The following HPCAL1 variants were observed in gnomAD, a reference collection of about 807,000 sequenced individuals.
HPCAL1 encodes the protein hippocalcin like 1.
In HPCAL1, 8 loss-of-function variants were observed where a neutral mutation model predicts 17.1. The ratio of observed to expected loss-of-function variants is 0.47; its 90% CI spans 0.27 to 0.84. The LOEUF is 0.84. Ranked by LOEUF, HPCAL1 falls within the 40% of genes least tolerant of loss-of-function variation. The pLI is 0.13. For missense variants in HPCAL1, 165 were observed against 271.1 expected (o/e 0.61, Z 2.75); for synonymous variants, 112 against 111.4 (o/e 1.01, Z -0.03).
At position 10,359,402 on chromosome 2, in the gene HPCAL1, C is replaced by T. The variant is rs899028485; in HGVS notation, c.-110-37433C>T. Among the ~76,000 whole-genome samples the T allele has an allele frequency of 2.6e-5, 4 of 152,194 alleles. No individual in the cohort carries two copies. Among genetic ancestry groups the T allele is most frequent in the South Asian group, 2.1e-4 (1 of 4,838 alleles). ...AGCCCCTGCAGGCAGGAGACTTCAA[C>T]GCAGAGATTAAGAAGTTGAGATGTC... On this transcript the variant is annotated intron_variant, in intron 1 of 4. Transcript: ENST00000307845. This position sits in a 1 kb window ranked among gnomAD's most constrained non-coding sequence, Gnocchi z 4.1.
Position 10,347,410 on chromosome 2 carries a change from C to T in HPCAL1, c.-111+44233C>T, listed in dbSNP as rs1038680941. 3.3e-5 allele frequency among the ~76,000 whole-genome samples: 5 copies of T among 152,150 alleles called. No homozygotes were observed. The East Asian group carries it at 7.7e-4, about 23-fold the overall frequency. On this transcript the variant is annotated intron_variant, in intron 1 of 4. Transcript: ENST00000307845. ...TGATGGTATAAAATGTGCCCCCCAG[C>T]GCCTGATAATGGTCACTTCGCCTAA...
At chr2:10,346,712 G>T (rs1360347621) in intron 1 of HPCAL1, among the ~76,000 whole-genome samples, 1 of 152,184 alleles carries the variant, frequency 6.6e-6, no homozygotes, top group Admixed American at 6.5e-5. Context: ...CAAACAGAAT[G>T]AAGTGTACTG....
intron 1 of HPCAL1, among the ~76,000 whole-genome samples, chr2:10,327,182 A>G (rs1019019787): frequency 4.0e-5 from 6 of 151,670 alleles, no homozygotes; most frequent in African/African-American, 1.5e-4. Flanking sequence ...CCTTCCCCCA[A>G]CTCCTGGGAT....
chr2:10,347,402 C>T (rs1665539643), intron 1 of HPCAL1, among the ~76,000 whole-genome samples: 1 of 152,094 alleles, frequency 6.6e-6, no homozygotes, highest in South Asian at 2.1e-4. Context: ...ATAAAATGTG[C>T]CCCCCAGCGC....
At chr2:10,348,597 C>T (rs796214227) in intron 1 of HPCAL1, among the ~76,000 whole-genome samples, 77 of 98,466 alleles carry the variant, frequency 7.8e-4, no homozygotes, top group African/African-American at 2.8e-3. Context: ...GATCCTGTCT[C>T]TACAAAAAAA....
intron 1 of HPCAL1, among the ~76,000 whole-genome samples, chr2:10,378,456 C>T (rs190791346): frequency 4.6e-5 from 7 of 152,094 alleles, no homozygotes; most frequent in South Asian, 2.1e-4. Context: ...GCTCTGGAGG[C>T]GGGAGGTCTA....
chr2:10,406,032 G>T (rs1165874558), intron 2 of HPCAL1, among the ~76,000 whole-genome samples: 1 of 152,156 alleles, frequency 6.6e-6, no homozygotes, highest in African/African-American at 2.4e-5. Context: ...TGGGGAGGTG[G>T]GCACACTGAG....
Position 10,426,925 on chromosome 2 carries a change from C to A in HPCAL1, c.*104C>A. On this transcript the variant is annotated 3_prime_UTR_variant, in exon 5 of 5. Coordinates refer to ENST00000307845, the MANE Select transcript of HPCAL1 (RefSeq NM_002149.4). ...CGCAATCGTTCCTGCTCTCCCGGGCCCCGGGCCTGGGGCATGCGTTGCACC... is the reference window on the plus strand; with the variant it reads ...CGCAATCGTTCCTGCTCTCCCGGGCACCGGGCCTGGGGCATGCGTTGCACC... 8.8e-7 allele frequency: 1 copy of A among 1,139,856 alleles called. No homozygotes were observed. Among genetic ancestry groups the A allele is most frequent in the South Asian group, 1.3e-5 (1 of 78,286 alleles). 70.6% of individuals were successfully genotyped at this position (1,139,856 alleles called of 1,614,324 possible).
intron 3 of HPCAL1, among the ~76,000 whole-genome samples, chr2:10,421,970 A>G (rs937237505): frequency 1.3e-5 from 2 of 152,130 alleles, no homozygotes; most frequent in African/African-American, 2.4e-5. Flanking sequence ...TAAGAATTCT[A>G]TTCCCCAGGA....
chr2:10,350,385 T>C (rs1483528861), intron 1 of HPCAL1, among the ~76,000 whole-genome samples: 1 of 151,188 alleles, frequency 6.6e-6, no homozygotes, highest in Non-Finnish European at 1.5e-5. Flanking sequence ...AGTGGCATGA[T>C]CATGGCTTAC....
intron 2 of HPCAL1, among the ~76,000 whole-genome samples, chr2:10,411,731 G>A (rs1670369052): frequency 6.6e-6 from 1 of 152,208 alleles, no homozygotes; most frequent in Non-Finnish European, 1.5e-5. Context: ...CACCCCGCTG[G>A]CACCAGGCCC....
At chr2:10,383,208 CA>C (rs1668081188) in intron 1 of HPCAL1, among the ~76,000 whole-genome samples, 1 of 152,180 alleles carries the variant, frequency 6.6e-6, no homozygotes, top group Non-Finnish European at 1.5e-5. Context: ...CTCCTCTCTA[CA>C]AAAGTAAACA....
intron 2 of HPCAL1, among the ~76,000 whole-genome samples, chr2:10,414,343 C>T (rs1044585038): frequency 1.3e-5 from 2 of 152,180 alleles, no homozygotes; most frequent in African/African-American, 2.4e-5. Flanking sequence ...TGTTTTCTCA[C>T]GGTCTGGAGG....
At chr2:10,399,035 G>A (rs933903678) in intron 2 of HPCAL1, among the ~76,000 whole-genome samples, 4 of 151,790 alleles carry the variant, frequency 2.6e-5, no homozygotes, top group African/African-American at 7.3e-5. Context: ...CTGTCAGCAC[G>A]GGTGCACAGG....
chr2:10,324,216 G>C lies in HPCAL1; in HGVS notation c.-111+21039G>C, dbSNP rs548136134. On this transcript the variant is annotated intron_variant, in intron 1 of 4. Coordinates refer to ENST00000307845, the MANE Select transcript of HPCAL1 (RefSeq NM_002149.4). ...CATTGTCATGTCAGTTTTGAGAACC[G>C]GATCAATCAGAGGTTGTGGAAATGC... 5 of 152,290 alleles carry C rather than the reference G, an allele frequency of 3.3e-5. No homozygotes were observed. The East Asian group carries it at 9.6e-4, about 29-fold the overall frequency. 9.4% of individuals were successfully genotyped at this position (152,290 alleles called of 1,614,324 possible). A position where few individuals can be genotyped will look rare whatever the true frequency, so the allele number is the denominator to read the frequency against.
At chr2:10,338,234 A>T (rs531372511) in intron 1 of HPCAL1, among the ~76,000 whole-genome samples, 31 of 152,228 alleles carry the variant, frequency 2.0e-4, no homozygotes, top group African/African-American at 6.7e-4. Flanking sequence ...GGGGTAATGA[A>T]AAGCGTTCTG....
intron 1 of HPCAL1, among the ~76,000 whole-genome samples, chr2:10,366,635 C>A (rs1324855518): frequency 6.6e-6 from 1 of 152,214 alleles, no homozygotes; most frequent in Non-Finnish European, 1.5e-5. Flanking sequence ...CTCACCCATA[C>A]CAAGCTCACA....
Position 10,366,381 on chromosome 2 carries a change from A to G in HPCAL1, c.-110-30454A>G, listed in dbSNP as rs1039303009. Among the ~76,000 whole-genome samples, 5 of 151,526 alleles carry G rather than the reference A, an allele frequency of 3.3e-5. No homozygotes were observed. In the South Asian group the frequency reaches 6.3e-4, roughly 19 times the overall value. ...CTCCTGAGTATCTGGGACTACAGGC[A>G]CCCGCCACCACACCCAGCTAATTTT... On this transcript the variant is annotated intron_variant, in intron 1 of 4. Coordinates refer to ENST00000307845, the MANE Select transcript of HPCAL1 (RefSeq NM_002149.4).
At chr2:10,380,894 G>A (rs1050375916) in intron 1 of HPCAL1, among the ~76,000 whole-genome samples, 2 of 152,206 alleles carry the variant, frequency 1.3e-5, no homozygotes, top group South Asian at 4.1e-4. Context: ...ATCTTAGGAT[G>A]GTGACTGGCA....
Sources: gnomAD v4.1 joint callset for allele counts (sites outside exome capture counted in the v4.1 genomes callset) on GRCh38, gnomAD v4.1.1 for gene constraint, Gnocchi (gnomAD v3.1) non-coding constraint, MANE v1.5 for transcripts, NCBI Gene and HGNC (gene_info 2026-07-23, HGNC 2026-07-21) for gene names.